The following PTPRD variants were observed in gnomAD, a reference collection of about 807,000 sequenced individuals.
PTPRD encodes receptor-type tyrosine-protein phosphatase delta.
A neutral mutation model predicts 214.5 loss-of-function variants in PTPRD; 34 were observed. The observed-to-expected ratio is 0.16, with a 90% CI of 0.12 to 0.21. The LOEUF is 0.21. Among genes scored for constraint, PTPRD ranks in the 10% least tolerant of loss-of-function variants. PTPRD has a pLI of 1.00. For missense variants in PTPRD, 2,545 were observed against 2,398.7 expected, an observed-to-expected ratio of 1.06 and a Z score of -1.27; for synonymous variants, 1,128 against 845.7, an observed-to-expected ratio of 1.33 and a Z score of -5.79.
At position 9,109,767 on chromosome 9, in the gene PTPRD, T is replaced by G. The variant is rs1377272163; in HGVS notation, c.-143+73537A>C. Among the ~76,000 whole-genome samples, 4 of 152,216 alleles carry G rather than the reference T, an allele frequency of 2.6e-5. No individual in the cohort carries two copies. In the East Asian group the frequency reaches 7.7e-4, roughly 29 times the overall value. ...CTTTCTGCGAATGAAATAGAGTTGT[T>G]TAATATCAACATTTATTTTCTTTTT... On this transcript the variant is annotated intron_variant, in intron 10 of 45. Transcript: ENST00000381196.
chr9:9,439,451 G>T (rs531188785), intron 8 of PTPRD, among the ~76,000 whole-genome samples: 1 of 152,236 alleles, frequency 6.6e-6, no homozygotes, highest in African/African-American at 2.4e-5. Context: ...ATAAACTATT[G>T]GGTATCAGAT....
At chr9:8,607,402 T>C (rs911084041) in intron 14 of PTPRD, among the ~76,000 whole-genome samples, 9 of 152,134 alleles carry the variant, frequency 5.9e-5, no homozygotes, top group African/African-American at 2.2e-4. Context: ...CCCAACACTT[T>C]GGGAGGCTGA....
intron 8 of PTPRD, among the ~76,000 whole-genome samples, chr9:9,460,370 G>T (rs979275648): frequency 6.6e-6 from 1 of 151,900 alleles, no homozygotes; most frequent in African/African-American, 2.4e-5. Context: ...TTCCGCAAGA[G>T]AAACAATCAA....
At chr9:9,457,434 A>G (rs1368942301) in intron 8 of PTPRD, among the ~76,000 whole-genome samples, 1 of 152,016 alleles carries the variant, frequency 6.6e-6, no homozygotes, top group Non-Finnish European at 1.5e-5. Context: ...ATAATGGCTG[A>G]AAAATATAAT....
At chr9:8,905,737 G>C (rs1406820331) in intron 11 of PTPRD, among the ~76,000 whole-genome samples, 19 of 91,176 alleles carry the variant, frequency 2.1e-4, no homozygotes, top group African/African-American at 1.1e-3. Flanking sequence ...AGACTCCCTC[G>C]CAAAAAAAAA....
chr9:9,424,097 T>C lies in PTPRD; in HGVS notation c.-236-26615A>G, dbSNP rs542026914. ...ATTCCATCTTGGAAGGCTGTTGACA[T>C]CCAGTGACTAGTTGATGCAATGACA... On this transcript the variant is annotated intron_variant, in intron 8 of 45. Transcript: ENST00000381196. Among the ~76,000 whole-genome samples the C allele has an allele frequency of 9.4e-4, 143 of 152,290 alleles. 1 individual carries two copies. The highest frequency in any genetic ancestry group is 3.3e-3 in the African/African-American group (138 of 41,548).
At chr9:10,606,514 A>C (rs1591876578) in intron 2 of PTPRD, among the ~76,000 whole-genome samples, 1 of 148,066 alleles carries the variant, frequency 6.8e-6, no homozygotes, top group East Asian at 2.0e-4. Flanking sequence ...GAAACACTCC[A>C]TTACTTCTTC....
At chr9:9,141,275 G>A (rs908739762) in intron 10 of PTPRD, among the ~76,000 whole-genome samples, 1 of 146,550 alleles carries the variant, frequency 6.8e-6, no homozygotes, top group African/African-American at 2.5e-5. Flanking sequence ...ATTCCCCTGA[G>A]GCACTACAGA....
At chr9:9,565,723 T>C (rs925632192) in intron 8 of PTPRD, among the ~76,000 whole-genome samples, 1 of 152,108 alleles carries the variant, frequency 6.6e-6, no homozygotes, top group African/African-American at 2.4e-5. Context: ...TACATTATTA[T>C]TCATTTTTTG....
At position 9,285,767 on chromosome 9, in the gene PTPRD, A is replaced by G. The variant is rs1158883771; in HGVS notation, c.-202-102404T>C. ...TCTTATGGCACTAACTTTGATCCTC[A>G]TTTGTTTCTTCATCTTAGTAAATGA... is the stretch of plus-strand genomic sequence containing the variant. On this transcript the variant is annotated intron_variant, in intron 9 of 45. Transcript: ENST00000381196. Among the ~76,000 whole-genome samples, 2 of 151,616 alleles carry G rather than the reference A, an allele frequency of 1.3e-5. 1 individual carries two copies. The highest frequency in any genetic ancestry group is 2.9e-5 in the Non-Finnish European group (2 of 67,862).
intron 7 of PTPRD, among the ~76,000 whole-genome samples, chr9:9,697,418 C>T (rs1224882249): frequency 6.6e-6 from 1 of 152,050 alleles, no homozygotes; most frequent in Non-Finnish European, 1.5e-5. Context: ...ACTATTTCTC[C>T]TTCATGTTTG....
At chr9:8,991,859 C>A (rs527461430) in intron 11 of PTPRD, among the ~76,000 whole-genome samples, 1 of 151,936 alleles carries the variant, frequency 6.6e-6, no homozygotes, top group Non-Finnish European at 1.5e-5. Flanking sequence ...TCCCTCAATG[C>A]CTAATTTGTT....
chr9:10,097,122 G>A (rs1407618842), intron 3 of PTPRD, among the ~76,000 whole-genome samples: 1 of 148,214 alleles, frequency 6.7e-6, no homozygotes, highest in East Asian at 2.0e-4. Flanking sequence ...CCAGTACCAT[G>A]CTGTTTTGGT....
At chr9:8,867,426 C>G (rs533633180) in intron 11 of PTPRD, among the ~76,000 whole-genome samples, 1 of 152,166 alleles carries the variant, frequency 6.6e-6, no homozygotes. Context: ...GGCACTCATG[C>G]TTTTTACTTT....
chr9:9,370,202 A>G (rs2059075495), intron 9 of PTPRD, among the ~76,000 whole-genome samples: 1 of 152,134 alleles, frequency 6.6e-6, no homozygotes, highest in Non-Finnish European at 1.5e-5. Flanking sequence ...TACTTTGGGC[A>G]GTATGGCCAT....
chr9:9,585,108 G>C (rs927872406), intron 7 of PTPRD, among the ~76,000 whole-genome samples: 2 of 151,766 alleles, frequency 1.3e-5, no homozygotes, highest in African/African-American at 4.8e-5. Flanking sequence ...TATCATTTTT[G>C]TTTCATTATG....
At chr9:9,537,549 T>C (rs192164853) in intron 8 of PTPRD, among the ~76,000 whole-genome samples, 12 of 152,124 alleles carry the variant, frequency 7.9e-5, no homozygotes, top group Non-Finnish European at 1.0e-4. Flanking sequence ...AATACAAATC[T>C]ATCACACATC....
intron 8 of PTPRD, among the ~76,000 whole-genome samples, chr9:9,506,745 T>G (rs987838201): frequency 1.3e-5 from 2 of 151,380 alleles, no homozygotes; most frequent in African/African-American, 4.8e-5. Flanking sequence ...TCTGGAGTAA[T>G]GCAAGTTACA....
intron 14 of PTPRD, among the ~76,000 whole-genome samples, chr9:8,597,873 TA>T (rs2094558404): frequency 6.6e-6 from 1 of 152,182 alleles, no homozygotes; most frequent in Admixed American, 6.6e-5. Flanking sequence ...AAATATTTAT[TA>T]TTATTTAAAA....
Sources: gnomAD v4.1 joint callset for allele counts (sites outside exome capture counted in the v4.1 genomes callset) on GRCh38, gnomAD v4.1.1 for gene constraint, MANE v1.5 for transcripts, NCBI Gene and HGNC (gene_info 2026-07-23, HGNC 2026-07-21) for gene names.